The following FRMPD4 variants were observed in gnomAD, a reference collection of about 807,000 sequenced individuals.
The protein encoded by FRMPD4 is FERM and PDZ domain containing 4.
A neutral mutation model predicts 94.1 loss-of-function variants in FRMPD4; 22 were observed. The observed-to-expected ratio is 0.23, with a 90% CI of 0.17 to 0.33. FRMPD4 has a LOEUF of 0.33. FRMPD4 is among the 10% of genes least tolerant of loss of function. FRMPD4 has a pLI of 1.00. For missense variants in FRMPD4, 1,111 were observed against 1,339.9 expected, an observed-to-expected ratio of 0.83 and a Z score of 2.67; for synonymous variants, 631 against 548.6, an observed-to-expected ratio of 1.15 and a Z score of -2.10.
intron 1 of FRMPD4, among the ~76,000 whole-genome samples, chrX:12,146,133 G>T (rs2055763196): frequency 9.0e-6 from 1 of 111,198 alleles, no homozygotes; most frequent in Admixed American, 9.5e-5. Flanking sequence ...GGAGGCCGAG[G>T]TGGGCGGATC....
At chrX:12,016,805 T>C (rs1601886044) in intron 3 of FRMPD4, among the ~76,000 whole-genome samples, 1 of 111,760 alleles carries the variant, frequency 8.9e-6, no homozygotes. Flanking sequence ...CAGGAGAGAT[T>C]TTCCCAAATG....
chrX:11,841,967 G>A (rs1226323059), intron 1 of FRMPD4, among the ~76,000 whole-genome samples: 4 of 111,187 alleles, frequency 3.6e-5, no homozygotes, highest in African/African-American at 6.6e-5. Flanking sequence ...TCTCCATATG[G>A]CTAGCCAGTT....
intron 2 of FRMPD4, among the ~76,000 whole-genome samples, chrX:11,869,231 C>T (rs1326824225): frequency 1.8e-5 from 2 of 112,213 alleles, no homozygotes; most frequent in African/African-American, 6.5e-5. Flanking sequence ...ATCTCTAAGA[C>T]ATACGGCATA....
chrX:12,185,718 A>C (rs2056416691), intron 1 of FRMPD4, among the ~76,000 whole-genome samples: 2 of 111,986 alleles, frequency 1.8e-5, no homozygotes, highest in African/African-American at 6.5e-5. Context: ...AAAGGAAAAA[A>C]TGGAGTGCTA....
At chrX:12,515,046 G>A (rs906430173) in intron 2 of FRMPD4, among the ~76,000 whole-genome samples, 1 of 111,743 alleles carries the variant, frequency 8.9e-6, no homozygotes, top group Admixed American at 9.5e-5. Flanking sequence ...TTCTATTTTT[G>A]TGGGGTCAGT....
At chrX:12,105,975 G>C (rs1298793366) in intron 3 of FRMPD4, among the ~76,000 whole-genome samples, 2 of 112,098 alleles carry the variant, frequency 1.8e-5, no homozygotes, top group Non-Finnish European at 3.8e-5. Flanking sequence ...ACTTCTCTGA[G>C]AGCTACACCC....
chrX:11,953,564 T>G (rs1377966359), intron 3 of FRMPD4, among the ~76,000 whole-genome samples: 1 of 111,514 alleles, frequency 9.0e-6, no homozygotes, highest in Admixed American at 9.6e-5. Context: ...GGGGGATTGT[T>G]GCATATGGGG....
chrX:12,126,975 G>C (rs1270683198), intron 3 of FRMPD4, among the ~76,000 whole-genome samples: 1 of 111,782 alleles, frequency 8.9e-6, no homozygotes, highest in East Asian at 2.8e-4. Flanking sequence ...TCTTTGTTCT[G>C]GAGTTGCTAA....
chrX:12,168,687 G>A (rs914706986), intron 1 of FRMPD4, among the ~76,000 whole-genome samples: 4 of 90,073 alleles, frequency 4.4e-5, no homozygotes, highest in Non-Finnish European at 8.4e-5. Flanking sequence ...GTGCAGTGGT[G>A]TGATCTCCGC....
At chrX:12,414,554 A>G (rs932047000) in intron 1 of FRMPD4, among the ~76,000 whole-genome samples, 7 of 111,950 alleles carry the variant, frequency 6.3e-5, no homozygotes, top group Non-Finnish European at 1.1e-4. Flanking sequence ...ACGTATTTTT[A>G]TATTCTTCTA....
At position 12,473,582 on chromosome X, in the gene FRMPD4, G is replaced by A. The variant is rs747307175; in HGVS notation, c.42-25098G>A. 4.9e-4 allele frequency among the ~76,000 whole-genome samples: 54 copies of A among 109,640 alleles called. No homozygotes were observed. The South Asian group carries it at 0.02, about 41-fold the overall frequency. On this transcript the variant is annotated intron_variant, in intron 1 of 16. Transcript: ENST00000675598. ...ATTCAGGAAACCCACCTCATGTGCGGAGACACACATAGGCTCAAAATAAAG... is the reference window on the plus strand; with the variant it reads ...ATTCAGGAAACCCACCTCATGTGCGAAGACACACATAGGCTCAAAATAAAG...
chrX:12,185,343 C>G (rs1276380506), intron 1 of FRMPD4, among the ~76,000 whole-genome samples: 1 of 111,675 alleles, frequency 9.0e-6, no homozygotes, highest in Non-Finnish European at 1.9e-5. Context: ...AAATGACTCA[C>G]TTGGGGAGAT....
intron 1 of FRMPD4, among the ~76,000 whole-genome samples, chrX:12,246,444 C>T (rs779505070): frequency 2.7e-5 from 3 of 111,406 alleles, no homozygotes; most frequent in Non-Finnish European, 5.7e-5. Flanking sequence ...ATTGCTTCAT[C>T]GATAGTCCAG....
At chrX:12,060,879 T>C (rs781543941) in intron 3 of FRMPD4, among the ~76,000 whole-genome samples, 1 of 112,323 alleles carries the variant, frequency 8.9e-6, no homozygotes, top group South Asian at 3.7e-4. Context: ...GATCCCATGC[T>C]ATTTAGGAAT....
intron 12 of FRMPD4, 74 bp from the exon 13 acceptor site, chrX:12,707,395 T>C (rs2041896969): frequency 1.3e-6 from 1 of 775,603 alleles, no homozygotes; most frequent in Non-Finnish European, 1.9e-6. Context: ...CTTATAAAAA[T>C]AGGATCATAG....
At chrX:12,475,858 G>A (rs1403638875) in intron 1 of FRMPD4, among the ~76,000 whole-genome samples, 1 of 111,473 alleles carries the variant, frequency 9.0e-6, no homozygotes, top group African/African-American at 3.3e-5. Context: ...TGGGTAGGAA[G>A]AATCAATATT....
intron 1 of FRMPD4, among the ~76,000 whole-genome samples, chrX:12,193,838 G>GGAAGAAAGA: frequency 1.7e-5 from 1 of 59,961 alleles, no homozygotes; most frequent in East Asian, 1.0e-3. Flanking sequence ...AGGGAAGGAA[G>GGAAGAAAGA]AAAGAAAAGA....
chrX:12,314,614 T>C (rs5979585), intron 1 of FRMPD4, among the ~76,000 whole-genome samples: 33,347 of 110,778 alleles, frequency 0.3, 5,271 homozygotes, highest in African/African-American at 0.61. Context: ...TTCAAATGAG[T>C]CTGTAGTTGC....
chrX:12,516,665 G>T (rs1448407692), intron 2 of FRMPD4, among the ~76,000 whole-genome samples: 1 of 110,578 alleles, frequency 9.0e-6, no homozygotes, highest in Non-Finnish European at 1.9e-5. Flanking sequence ...TGATGATTAT[G>T]TGTCTTGGGG....
Sources: gnomAD v4.1 joint callset for allele counts (sites outside exome capture counted in the v4.1 genomes callset) on GRCh38, gnomAD v4.1.1 for gene constraint, MANE v1.5 for transcripts, NCBI Gene and HGNC (gene_info 2026-07-23, HGNC 2026-07-21) for gene names.